The following GPC5 variants were observed in gnomAD, a reference collection of about 807,000 sequenced individuals.
The protein encoded by GPC5 is glypican-5.
A neutral mutation model predicts 53.9 loss-of-function variants in GPC5; 47 were observed. That is an observed-to-expected ratio of 0.87 (90% CI 0.69 to 1.11). The LOEUF (loss-of-function observed/expected upper bound fraction) is 1.11, where lower values mean the gene tolerates loss of function less well. GPC5 is among the 50% of genes most tolerant of loss of function. GPC5 has a pLI of 0.00. For missense variants in GPC5, 748 were observed against 713.1 expected, an observed-to-expected ratio of 1.05 and a Z score of -0.56; for synonymous variants, 286 against 263.3, an observed-to-expected ratio of 1.09 and a Z score of -0.84.
intron 7 of GPC5, among the ~76,000 whole-genome samples, chr13:92,855,728 G>A (rs1320609048): frequency 1.3e-5 from 2 of 151,774 alleles, no homozygotes; most frequent in African/African-American, 4.8e-5. Flanking sequence ...GAACATCTCA[G>A]TCCCATAAAC....
At chr13:92,261,221 G>C (rs887426841) in intron 7 of GPC5, among the ~76,000 whole-genome samples, 1 of 152,066 alleles carries the variant, frequency 6.6e-6, no homozygotes, top group Non-Finnish European at 1.5e-5. Context: ...AAATAATTTT[G>C]TGATTTTTTG....
chr13:92,223,619 A>G (rs1204616472), intron 7 of GPC5, among the ~76,000 whole-genome samples: 1 of 148,032 alleles, frequency 6.8e-6, no homozygotes, highest in Non-Finnish European at 1.5e-5. Context: ...AACCTCATTG[A>G]TTTTTTTTTT....
chr13:91,883,924 T>C (rs1268774721), intron 5 of GPC5, among the ~76,000 whole-genome samples: 1 of 152,008 alleles, frequency 6.6e-6, no homozygotes, highest in Non-Finnish European at 1.5e-5. Flanking sequence ...TTTTTCCTGA[T>C]CCTCTCCCTC....
At chr13:91,721,280 G>A (rs1472464576) in intron 3 of GPC5, among the ~76,000 whole-genome samples, 1 of 151,952 alleles carries the variant, frequency 6.6e-6, no homozygotes, top group Admixed American at 6.5e-5. Context: ...ACTTACAGGT[G>A]CCTGCCACCA....
chr13:91,832,782 A>G (rs1056570625), intron 5 of GPC5, among the ~76,000 whole-genome samples: 7 of 152,170 alleles, frequency 4.6e-5, no homozygotes, highest in African/African-American at 1.7e-4. Flanking sequence ...TGCCCACAAG[A>G]GAAAGCAGGA....
At chr13:91,764,173 C>A (rs1319608944) in intron 5 of GPC5, among the ~76,000 whole-genome samples, 7 of 152,172 alleles carry the variant, frequency 4.6e-5, no homozygotes, top group African/African-American at 1.7e-4. Context: ...CACATTTTAT[C>A]AGCTTGGCTC....
chr13:91,821,587 T>A (rs1190350540), intron 5 of GPC5, among the ~76,000 whole-genome samples: 2 of 152,214 alleles, frequency 1.3e-5, no homozygotes, highest in Non-Finnish European at 2.9e-5. Context: ...TGATATATGT[T>A]ATGTCAGATA....
At chr13:92,653,920 C>T (rs1384761422) in intron 7 of GPC5, among the ~76,000 whole-genome samples, 3 of 152,174 alleles carry the variant, frequency 2.0e-5, no homozygotes, top group Non-Finnish European at 2.9e-5. Flanking sequence ...AGTATGAGAA[C>T]TGAAGCCAGA....
intron 5 of GPC5, among the ~76,000 whole-genome samples, chr13:91,795,660 G>T (rs2038034968): frequency 6.6e-6 from 1 of 152,028 alleles, no homozygotes; most frequent in Non-Finnish European, 1.5e-5. Flanking sequence ...TTTCTGGCTT[G>T]CCTACCATGG....
At chr13:92,184,134 T>C (rs999109384) in intron 7 of GPC5, among the ~76,000 whole-genome samples, 5 of 152,072 alleles carry the variant, frequency 3.3e-5, no homozygotes, top group African/African-American at 1.2e-4. Flanking sequence ...TGCAAATTCA[T>C]CTTTGGTTTG....
chr13:92,283,571 A>G lies in GPC5; in HGVS notation c.1561+138582A>G, dbSNP rs1233902404. Reference sequence around the variant, plus strand: ...CAGACCACAGTGCAATCAGACTAGAACTCAGGATTAAGAAACTCCCTCAAA... The same window carrying G: ...CAGACCACAGTGCAATCAGACTAGAGCTCAGGATTAAGAAACTCCCTCAAA... On this transcript the variant is annotated intron_variant, in intron 7 of 7. Transcript: ENST00000377067. 5.3e-5 allele frequency among the ~76,000 whole-genome samples: 8 copies of G among 152,344 alleles called. No homozygotes were observed. The East Asian group carries it at 1.4e-3, about 26-fold the overall frequency.
At chr13:91,882,031 T>C (rs17188213) in intron 5 of GPC5, among the ~76,000 whole-genome samples, 1,857 of 152,334 alleles carry the variant, frequency 0.012, 11 homozygotes, top group Middle Eastern at 0.027. Context: ...CGTCTTCTTC[T>C]GAGTTCAGTT....
intron 7 of GPC5, among the ~76,000 whole-genome samples, chr13:92,170,711 C>T (rs1425531170): frequency 1.3e-5 from 2 of 152,114 alleles, no homozygotes; most frequent in Non-Finnish European, 2.9e-5. Context: ...AGGCGTAAGC[C>T]ACCATGCCCA....
intron 2 of GPC5, among the ~76,000 whole-genome samples, chr13:91,503,383 G>A (rs1352728198): frequency 1.3e-5 from 2 of 151,622 alleles, no homozygotes; most frequent in Non-Finnish European, 2.9e-5. Context: ...TTATTTTCCA[G>A]CTCCACCCCT....
chr13:91,496,749 A>G (rs6492548), intron 2 of GPC5, among the ~76,000 whole-genome samples: 15,123 of 152,164 alleles, frequency 0.099, 984 homozygotes, highest in African/African-American at 0.18. Flanking sequence ...TGGCAACAAT[A>G]ATTTATAGTA....
chr13:91,905,845 GCAAA>G (rs774890283), intron 5 of GPC5, among the ~76,000 whole-genome samples: 4 of 152,144 alleles, frequency 2.6e-5, no homozygotes, highest in Admixed American at 1.3e-4. Flanking sequence ...TTTAATGTAA[GCAAA>G]CAAATTACTC....
chr13:91,451,631 T>C (rs77034774), intron 2 of GPC5, among the ~76,000 whole-genome samples: 1 of 151,300 alleles, frequency 6.6e-6, no homozygotes, highest in Non-Finnish European at 1.5e-5. Context: ...TTTTTTTTTT[T>C]CCCCGAGGTG....
chr13:92,343,735 C>T (rs962567790), intron 7 of GPC5, among the ~76,000 whole-genome samples: 10 of 152,030 alleles, frequency 6.6e-5, no homozygotes, highest in African/African-American at 2.4e-4. Flanking sequence ...ACAGTTCCAA[C>T]ATTTGAACTG....
At chr13:92,176,321 T>C (rs933563349) in intron 7 of GPC5, among the ~76,000 whole-genome samples, 88 of 152,180 alleles carry the variant, frequency 5.8e-4, no homozygotes, top group African/African-American at 2.0e-3. Flanking sequence ...AGGTAGCCCT[T>C]GTGTCTCAAG....
Sources: gnomAD v4.1 joint callset for allele counts (sites outside exome capture counted in the v4.1 genomes callset) on GRCh38, gnomAD v4.1.1 for gene constraint, MANE v1.5 for transcripts, NCBI Gene and HGNC (gene_info 2026-07-23, HGNC 2026-07-21) for gene names.